The following PLOD1 variants were observed in gnomAD, a reference collection of about 807,000 sequenced individuals.
PLOD1 encodes the protein lysine hydroxylase.
PLOD1 carries 70 observed loss-of-function variants against 94.7 expected under a neutral mutation model. That is an observed-to-expected ratio of 0.74 (90% CI 0.61 to 0.90). The LOEUF is 0.90. Among genes scored for constraint, PLOD1 ranks in the 40% least tolerant of loss-of-function variants. The probability of loss-of-function intolerance (pLI) is 0.00; values close to 1 mark genes in which losing one functional copy is unlikely to be tolerated. For synonymous variants in PLOD1, 417 were observed against 400.2 expected (o/e 1.04, Z -0.50); for missense variants, 905 against 972.7 (o/e 0.93, Z 0.93).
intron 16 of PLOD1, among the ~76,000 whole-genome samples, chr1:11,967,616 A>ATATATATAAAT (rs35226154): frequency 4.0e-5 from 3 of 75,144 alleles, no homozygotes; most frequent in African/African-American, 6.5e-5. Context: ...TATATATATA[A>ATATATATAAAT]AAAGAAATAT....
In PLOD1 at chr1:11,974,881, G is replaced by A. The variant is rs1645893551; in HGVS notation, c.*73G>A. The A allele has an allele frequency of 4.8e-6, 7 of 1,458,418 alleles. No homozygotes were observed. The highest frequency in any genetic ancestry group is 6.7e-6 in the Non-Finnish European group (7 of 1,038,130). 90.3% of individuals were successfully genotyped at this position (1,458,418 alleles called of 1,614,324 possible). On this transcript the variant is annotated 3_prime_UTR_variant, in exon 19 of 19. Coordinates refer to ENST00000196061, the MANE Select transcript of PLOD1 (RefSeq NM_000302.4). ...CTGCCCAGCAGCCTCTGGGACCTCGGGGTCCCAGGGAACCCAGTCCAGCCT... is the reference window on the plus strand; with the variant it reads ...CTGCCCAGCAGCCTCTGGGACCTCGAGGTCCCAGGGAACCCAGTCCAGCCT...
At position 11,948,031 on chromosome 1, in the gene PLOD1, C is replaced by T. The variant is rs776947403; in HGVS notation, c.132C>T (p.Phe44=). 1.2e-6 allele frequency: 2 copies of T among 1,613,928 alleles called. No individual in the cohort carries two copies. Among genetic ancestry groups the T allele is most frequent in the Non-Finnish European group, 1.7e-6 (2 of 1,179,804 alleles). The change falls in exon 2 of 19, where the codon TTC becomes TTT. Residue 44 remains phenylalanine (F), a synonymous_variant. Coordinates refer to ENST00000196061, the MANE Select transcript of PLOD1 (RefSeq NM_000302.4). ...ATKETEGFRR[F]KRSAQFFNYK... ...AGGAGACCGAGGGATTCCGTCGCTT[C>T]AAGCGCTCAGCTCAGTTCTTCAACT...
intron 1 of PLOD1, among the ~76,000 whole-genome samples, chr1:11,944,844 AG>A (rs1645639602): frequency 1.3e-5 from 2 of 152,100 alleles, no homozygotes; most frequent in Admixed American, 1.3e-4. Flanking sequence ...CTGGCAAGCC[AG>A]GCCCCTTTGT....
intron 5 of PLOD1, among the ~76,000 whole-genome samples, chr1:11,954,063 G>C (rs1352203286): frequency 6.6e-6 from 1 of 150,728 alleles, no homozygotes; most frequent in Non-Finnish European, 1.5e-5. Context: ...ATGAAGTTTT[G>C]CTATGTTGCC....
intron 9 of PLOD1, 150 bp from the exon 10 acceptor site, chr1:11,960,496 G>T: frequency 1.5e-6 from 1 of 686,902 alleles, no homozygotes; most frequent in Non-Finnish European, 2.6e-6. Flanking sequence ...GGGCTGGCAT[G>T]GGCAAAGGTC....
chr1:11,971,093 G>C (rs1645860209), intron 17 of PLOD1, among the ~76,000 whole-genome samples: 1 of 77,304 alleles, frequency 1.3e-5, no homozygotes, highest in Non-Finnish European at 2.6e-5. Flanking sequence ...GCAGGGGTGA[G>C]TGGGAGTGGA....
rs574776883 is a variant in PLOD1 at position 11,951,180 on chromosome 1, G to A, written c.466+660G>A. ...CACCATTCTCACTGGGCTCCTGGCC[G>A]TTGGTAGGAGCCTCCTTACTGCTCT... On this transcript the variant is annotated intron_variant, in intron 4 of 18. Transcript: ENST00000196061. Among the ~76,000 whole-genome samples the A allele has an allele frequency of 1.8e-4, 27 of 152,286 alleles. No homozygotes were observed. The East Asian group carries it at 2.1e-3, about 12-fold the overall frequency.
intron 10 of PLOD1, among the ~76,000 whole-genome samples, chr1:11,962,332 A>C (rs1255666333): frequency 7.5e-6 from 1 of 134,054 alleles, no homozygotes; most frequent in East Asian, 2.3e-4. Context: ...GCTGGAGTGC[A>C]ATGGTGCAAT....
At position 11,937,933 on chromosome 1, in the gene PLOD1, T is replaced by C. The variant is rs1645590864; in HGVS notation, c.76+3078T>C. Among the ~76,000 whole-genome samples, 11 of 151,780 alleles carry C rather than the reference T, an allele frequency of 7.2e-5. 1 individual carries two copies. The South Asian group carries it at 2.3e-3, about 31-fold the overall frequency. On this transcript the variant is annotated intron_variant, in intron 1 of 18. Transcript: ENST00000196061. The stretch of plus-strand genomic sequence containing the variant: ...CCTCCCTGTTTTCCATTTTTTTTTT[T>C]TTTTTTAAGTTTTCATTTTCTTTTT...
Position 11,960,951 on chromosome 1 carries a change from C to T in PLOD1, c.1097+184C>T, listed in dbSNP as rs188848701. On this transcript the variant is annotated intron_variant, in intron 10 of 18. Transcript: ENST00000196061. ...GGGGAAATAGCCTCTGTCCTGCCAA[C>T]CCCCGGGGCTCCTGGGCAGGGCTGA... Among the ~76,000 whole-genome samples, 71 of 152,212 alleles carry T rather than the reference C, an allele frequency of 4.7e-4. 1 individual carries two copies. In the East Asian group the frequency reaches 0.012, roughly 25 times the overall value.
Position 11,963,530 on chromosome 1 carries a change from A to G in PLOD1, c.1098-2A>G, listed in dbSNP as rs113474815. 3.1e-6 allele frequency: 5 copies of G among 1,588,928 alleles called. No homozygotes were observed. The highest frequency in any genetic ancestry group is 3.4e-6 in the Non-Finnish European group (4 of 1,166,800). ...ACTGACCCTGTGTCCTCCTCCTTGC[A>G]GAGACCTGTGCCGGCAGGACCGCAG... is the stretch of plus-strand genomic sequence containing the variant. On this transcript the variant is annotated splice_acceptor_variant, in intron 10 of 18. Coordinates refer to ENST00000196061, the MANE Select transcript of PLOD1 (RefSeq NM_000302.4). LOFTEE classifies it high-confidence loss of function. The surrounding 1 kb of genome is among the most constrained non-coding windows in gnomAD (Gnocchi z 4.3).
intron 4 of PLOD1, 61 bp from the exon 5 acceptor site, chr1:11,952,562 C>G: frequency 8.3e-7 from 1 of 1,200,642 alleles, no homozygotes; most frequent in South Asian, 1.2e-5. Context: ...GGGAGGAGGC[C>G]CCTGACTTAG....
rs1645876638 is a variant in PLOD1, at chr1:11,972,921, C to T, written c.1952C>T (p.Pro651Leu). Residue 651 changes from proline to leucine, a missense_variant, in exon 18 of 19, where the codon CCC (proline) becomes CTC (leucine). Transcript: ENST00000196061. The surrounding 1 kb of genome is among the most constrained non-coding windows in gnomAD (Gnocchi z 4.6). ...GTCCGCTACAAGCCTGATGAGCAGCCCTCACTGATGCCACACCATGATGCC... is the reference window on the plus strand; with the variant it reads ...GTCCGCTACAAGCCTGATGAGCAGCTCTCACTGATGCCACACCATGATGCC... ...FVVRYKPDEQ[P>L]SLMPHHDAST... The T allele has an allele frequency of 3.7e-6, 6 of 1,614,100 alleles. No individual in the cohort carries two copies. The highest frequency in any genetic ancestry group is 2.7e-5 in the African/African-American group (2 of 75,038).
chr1:11,944,598 A>G lies in PLOD1; in HGVS notation c.77-3378A>G, dbSNP rs373030736. 3.7e-6 allele frequency: 5 copies of G among 1,363,858 alleles called. No homozygotes were observed. The African/African-American group carries it at 7.4e-5, about 20-fold the overall frequency. The allele number at this position is 1,363,858 out of a possible 1,614,324, so 84.5% of individuals were successfully genotyped here. ...TGGGGAGAGACTTCACCGTCCTGGC[A>G]GGAGCTCGGGGGAGCCCTTCCCCAA... is the stretch of plus-strand genomic sequence containing the variant. On this transcript the variant is annotated intron_variant, in intron 1 of 18. Coordinates refer to ENST00000196061, the MANE Select transcript of PLOD1 (RefSeq NM_000302.4).
At position 11,958,327 on chromosome 1, in the gene PLOD1, C is replaced by T. The variant is rs1645753699; in HGVS notation, c.844-189C>T. On this transcript the variant is annotated intron_variant, in intron 8 of 18. Coordinates refer to ENST00000196061, the MANE Select transcript of PLOD1 (RefSeq NM_000302.4). This position sits in a 1 kb window ranked among gnomAD's most constrained non-coding sequence, Gnocchi z 4.3. ...GGCCTGGGCTCCTGCTGCTCTCTCC[C>T]CGGGGCACCCTCCTGCTGCTTCCCT... is the stretch of plus-strand genomic sequence containing the variant. 6.6e-6 allele frequency among the ~76,000 whole-genome samples: 1 copy of T among 152,136 alleles called. No individual in the cohort carries two copies. The highest frequency in any genetic ancestry group is 2.4e-5 in the African/African-American group (1 of 41,422).
intron 1 of PLOD1, among the ~76,000 whole-genome samples, chr1:11,937,612 A>G (rs1316083542): frequency 6.6e-6 from 1 of 152,126 alleles, no homozygotes; most frequent in East Asian, 1.9e-4. Context: ...GCTGCCCATG[A>G]TGAAGCCCGG....
intron 16 of PLOD1, among the ~76,000 whole-genome samples, chr1:11,967,613 A>G (rs1388877597): frequency 1.6e-5 from 2 of 122,020 alleles, no homozygotes; most frequent in South Asian, 2.9e-4. Context: ...ATATATATAT[A>G]TAAAAAGAAA....
rs1272705215 is a variant in PLOD1, at chr1:11,952,663, C to T, written c.507C>T (p.Ala169=). The change falls in exon 5 of 19, where the codon GCC becomes GCT. Residue 169 remains alanine, a synonymous_variant. Coordinates refer to ENST00000196061, the MANE Select transcript of PLOD1 (RefSeq NM_000302.4). ...CCCCCAACCTCAGCAAACTGGTGGC[C>T]GAGTGGGAGGGCCAGGACAGCGACA... ...GYAPNLSKLV[A]EWEGQDSDSD... is the part of the protein sequence containing the mutation. 6 of 1,614,040 alleles carry T rather than the reference C, an allele frequency of 3.7e-6. No homozygotes were observed. The highest frequency in any genetic ancestry group is 1.7e-4 in the Middle Eastern group (1 of 6,060).
chr1:11,947,212 C>T (rs574232068), intron 1 of PLOD1, among the ~76,000 whole-genome samples: 1 of 144,430 alleles, frequency 6.9e-6, no homozygotes, highest in South Asian at 2.2e-4. Context: ...ACTCCAGCTT[C>T]GGTGACAGAG....
Sources: allele counts gnomAD v4.1 joint callset (sites outside exome capture counted in the v4.1 genomes callset), GRCh38; gene constraint gnomAD v4.1.1; non-coding constraint Gnocchi (gnomAD v3.1); transcripts MANE v1.5; gene names NCBI Gene and HGNC (gene_info 2026-07-23, HGNC 2026-07-21).